KCNH6: variants seen among roughly 807,000 people sequenced by gnomAD.
The protein encoded by KCNH6 is potassium voltage-gated channel subfamily H member 6, also known as voltage-gated inwardly rectifying potassium channel KCNH6.
In KCNH6, 81 loss-of-function variants were observed where a neutral mutation model predicts 83.4. The observed-to-expected ratio is 0.97, with a 90% CI of 0.81 to 1.17. The LOEUF is 1.17. KCNH6 is among the 50% of genes most tolerant of loss of function. KCNH6 has a pLI of 0.00. For synonymous variants in KCNH6, 503 were observed against 545.6 expected (o/e 0.92, Z 1.09); for missense variants, 1,203 against 1,290.5 (o/e 0.93, Z 1.04).
Position 63,535,978 on chromosome 17 carries a change from T to A in KCNH6, c.1411T>A (p.Phe471Ile). 6.2e-7 allele frequency: 1 copy of A among 1,613,848 alleles called. No homozygotes were observed. Among genetic ancestry groups the A allele is most frequent in the Non-Finnish European group, 8.5e-7 (1 of 1,180,046 alleles). ...DKYVTALYFT[F>I]SSLTSVGFGN... is the part of the protein sequence containing the mutation. The stretch of plus-strand genomic sequence containing the variant: ...GTATGTCACAGCCCTCTACTTCACC[T>A]TCAGCAGCCTCACCAGCGTGGGCTT... Residue 471 changes from phenylalanine (F) to isoleucine (I), a missense_variant, in exon 6 of 13, where the codon TTC becomes ATC. Physicochemically the swap from Phe to Ile is conservative, Grantham distance 21 (BLOSUM62 0). Coordinates refer to ENST00000314672, the MANE Select transcript of KCNH6 (RefSeq NM_001278919.2). The surrounding 1 kb of genome is among the most constrained non-coding windows in gnomAD (Gnocchi z 4.9).
At chr17:63,532,038 C>T (rs1463123506) in intron 4 of KCNH6, among the ~76,000 whole-genome samples, 1 of 152,214 alleles carries the variant, frequency 6.6e-6, no homozygotes, top group African/African-American at 2.4e-5. Flanking sequence ...ATCCTGAGGG[C>T]CTTGCAGCTC....
chr17:63,537,582 G>T (rs775993240), intron 6 of KCNH6, among the ~76,000 whole-genome samples: 1 of 151,942 alleles, frequency 6.6e-6, no homozygotes, highest in African/African-American at 2.4e-5. Flanking sequence ...TTACAGACGG[G>T]CATCACCATG....
At chr17:63,540,826 C>T (rs942786182) in intron 8 of KCNH6, among the ~76,000 whole-genome samples, 1 of 152,202 alleles carries the variant, frequency 6.6e-6, no homozygotes, top group African/African-American at 2.4e-5. Flanking sequence ...TCCGTGGCAC[C>T]CCGGCCCTGG....
At chr17:63,536,259 C>T (rs1000744987) in intron 6 of KCNH6, 191 bp downstream of exon 6, 22 of 601,658 alleles carry the variant, frequency 3.7e-5, no homozygotes, top group African/African-American at 3.3e-4. Flanking sequence ...AACACCCACA[C>T]AGCCCATGCT....
At chr17:63,541,025 C>T (rs2032827576) in intron 8 of KCNH6, among the ~76,000 whole-genome samples, 1 of 152,222 alleles carries the variant, frequency 6.6e-6, no homozygotes, top group Non-Finnish European at 1.5e-5. Context: ...TCCATGGCCC[C>T]ATAACTCTTG....
Position 63,533,855 on chromosome 17 carries a change from G to T in KCNH6, c.676-31G>T, listed in dbSNP as rs760190656. Reference sequence around the variant, plus strand: ...CAGTCTCACCAGCAGTGGCTGCCCCGTGCCTGACCTCCCTCGGCCCCCACC... The same window carrying T: ...CAGTCTCACCAGCAGTGGCTGCCCCTTGCCTGACCTCCCTCGGCCCCCACC... On this transcript the variant is annotated intron_variant, in intron 4 of 12. Coordinates refer to ENST00000314672, the MANE Select transcript of KCNH6 (RefSeq NM_001278919.2). The surrounding 1 kb of genome is among the most constrained non-coding windows in gnomAD (Gnocchi z 4.1). 7.5e-6 allele frequency: 12 copies of T among 1,591,538 alleles called. No homozygotes were observed. The highest frequency in any genetic ancestry group is 1.7e-5 in the Admixed American group (1 of 59,300).
downstream of KCNH6, among the ~76,000 whole-genome samples, chr17:63,548,464 C>T (rs2033189623): frequency 6.6e-6 from 1 of 152,138 alleles, no homozygotes; most frequent in African/African-American, 2.4e-5. Context: ...CACTGCACCA[C>T]CACCTGGATA....
chr17:63,524,180 G>T lies in KCNH6; in HGVS notation c.118G>T (p.Ala40Ser). ...LIANAQMENCAIIYCNDGFCE... is the reference protein window; with the variant it reads ...LIANAQMENCSIIYCNDGFCE... ...TGCCAATGCTCAGATGGAGAACTGC[G>T]CCATCATTTACTGCAACGACGGCTT... The change falls in exon 2 of 13, where the codon GCC (alanine) becomes TCC (serine). Residue 40 changes from alanine (A) to serine (S), a missense_variant. Ala to Ser is a moderately conservative substitution (Grantham distance 99, BLOSUM62 1). Transcript: ENST00000314672. 1 of 1,614,138 alleles carries T rather than the reference G, an allele frequency of 6.2e-7. No homozygotes were observed. Among genetic ancestry groups the T allele is most frequent in the Non-Finnish European group, 8.5e-7 (1 of 1,180,028 alleles).
intron 4 of KCNH6, among the ~76,000 whole-genome samples, chr17:63,532,760 C>T (rs2032206603): frequency 6.6e-6 from 1 of 152,298 alleles, no homozygotes; most frequent in Admixed American, 6.5e-5. Context: ...CACCAGATCT[C>T]ATCTGGTGGG....
In KCNH6 at chr17:63,544,332, CA is replaced by C; in HGVS notation, c.2320del (p.Ser774AlafsTer11). The stretch of plus-strand genomic sequence containing the variant: ...GGAAATGCCCCCAAGGCACAGCCCC[CA>C]AAGCCCTCAGGAAGACCCAGATTGC... ...LQEMPPRHSP[Q>X]SPQEDPDCWP... On this transcript the variant is annotated frameshift_variant, in exon 11 of 13. Coordinates refer to ENST00000314672, the MANE Select transcript of KCNH6 (RefSeq NM_001278919.2). LOFTEE classifies it high-confidence loss of function. 6.2e-7 allele frequency: 1 copy of C among 1,612,406 alleles called. No individual in the cohort carries two copies. Among genetic ancestry groups the C allele is most frequent in the Non-Finnish European group, 8.5e-7 (1 of 1,179,284 alleles).
intron 8 of KCNH6, among the ~76,000 whole-genome samples, chr17:63,540,277 C>T (rs1485091839): frequency 5.9e-5 from 9 of 152,004 alleles, no homozygotes; most frequent in Admixed American, 4.6e-4. Context: ...ACTAGAAATA[C>T]AAAAAATTAG....
chr17:63,535,697 C>T lies in KCNH6; in HGVS notation c.1130C>T (p.Thr377Ile), dbSNP rs1214386851. 3 of 1,612,098 alleles carry T rather than the reference C, an allele frequency of 1.9e-6. No homozygotes were observed. Among genetic ancestry groups the T allele is most frequent in the Non-Finnish European group, 2.5e-6 (3 of 1,178,748 alleles). Residue 377 changes from threonine (T) to isoleucine (I), a missense_variant, in exon 6 of 13, where the codon ACA (threonine) becomes ATA (isoleucine). Coordinates refer to ENST00000314672, the MANE Select transcript of KCNH6 (RefSeq NM_001278919.2). The surrounding 1 kb of genome is among the most constrained non-coding windows in gnomAD (Gnocchi z 4.9). ...ETTTLIGLLK[T>I]ARLLRLVRVA... ...ACAACCCTGATTGGGCTATTGAAGACAGCGCGGCTGCTGCGGCTGGTGCGC... is the reference window on the plus strand; with the variant it reads ...ACAACCCTGATTGGGCTATTGAAGATAGCGCGGCTGCTGCGGCTGGTGCGC...
chr17:63,532,133 G>C (rs1339940517), intron 4 of KCNH6, among the ~76,000 whole-genome samples: 1 of 152,166 alleles, frequency 6.6e-6, no homozygotes, highest in Admixed American at 6.5e-5. Context: ...GGGTCCCCCT[G>C]TCTGGGGGCC....
At position 63,542,273 on chromosome 17, in the gene KCNH6, C is replaced by T; in HGVS notation, c.1987C>T (p.Leu663Phe). 1 of 1,614,104 alleles carries T rather than the reference C, an allele frequency of 6.2e-7. No individual in the cohort carries two copies. The highest frequency in any genetic ancestry group is 8.5e-7 in the Non-Finnish European group (1 of 1,180,008). The change falls in exon 9 of 13, where the codon CTC becomes TTC. Residue 663 changes from leucine (L) to phenylalanine (F), a missense_variant. By Grantham distance (22) the Leu-to-Phe change is conservative. Transcript: ENST00000314672. ...TGACATCTTTGGGGAACCCGTCAGC[C>T]TCCATGCCCAGCCAGGCAAGTCCAG... ...KNDIFGEPVS[L>F]HAQPGKSSAD...
rs767611776 is a variant in KCNH6 at position 63,538,574 on chromosome 17, G to GCA, written c.1868_1869dup (p.Leu624ThrfsTer29). ...ACGCGCCGCCTGGGGACACGCTGGT[G>GCA]CACCTCGGCGACGTGCTCTCCACCC... On this transcript the variant is annotated frameshift_variant, in exon 8 of 13. Transcript: ENST00000314672. LOFTEE classifies it high-confidence loss of function. The surrounding 1 kb of genome is among the most constrained non-coding windows in gnomAD (Gnocchi z 4.0). The GCA allele has an allele frequency of 6.2e-7, 1 of 1,612,974 alleles. No homozygotes were observed. Among genetic ancestry groups the GCA allele is most frequent in the East Asian group, 2.2e-5 (1 of 44,852 alleles).
Position 63,534,319 on chromosome 17 carries a change from G to T in KCNH6, c.1101+8G>T. On this transcript the variant is annotated splice_region_variant and intron_variant, in intron 5 of 12. Coordinates refer to ENST00000314672, the MANE Select transcript of KCNH6 (RefSeq NM_001278919.2). This position sits in a 1 kb window ranked among gnomAD's most constrained non-coding sequence, Gnocchi z 5.0. Reference sequence around the variant, plus strand: ...CGCACTGGCTCCGATGAGGTGAGCAGACCCCCTCCAGGCCAGCAGCCATGG... The same window carrying T: ...CGCACTGGCTCCGATGAGGTGAGCATACCCCCTCCAGGCCAGCAGCCATGG... The T allele has an allele frequency of 6.2e-7, 1 of 1,602,760 alleles. No individual in the cohort carries two copies. Among genetic ancestry groups the T allele is most frequent in the Non-Finnish European group, 8.5e-7 (1 of 1,173,732 alleles).
rs1199023054 is a variant in KCNH6 at position 63,546,148 on chromosome 17, G to A, written c.*246G>A. ...CCAGCTACTGGGGAGGCTGAGGCAG[G>A]AGAATGGCATGAACCCGGGAGGTGG... On this transcript the variant is annotated 3_prime_UTR_variant, in exon 13 of 13. Transcript: ENST00000314672. 2 of 414,702 alleles carry A rather than the reference G, an allele frequency of 4.8e-6. No individual in the cohort carries two copies. The highest frequency in any genetic ancestry group is 4.0e-5 in the African/African-American group (2 of 50,030). The allele number at this position is 414,702 out of a possible 1,614,324, so 25.7% of individuals were successfully genotyped here.
chr17:63,530,609 G>A (rs2147650232), intron 4 of KCNH6, 67 bp downstream of exon 4: 1 of 1,451,260 alleles, frequency 6.9e-7, no homozygotes, highest in Non-Finnish European at 9.6e-7. Context: ...CCAGGCTCTG[G>A]GCCCAGGCCC....
chr17:63,533,966 C>T lies in KCNH6; in HGVS notation c.756C>T (p.Tyr252=). Residue 252 remains tyrosine, a synonymous_variant, in exon 5 of 13, where the codon TAC becomes TAT. Transcript: ENST00000314672. This position sits in a 1 kb window ranked among gnomAD's most constrained non-coding sequence, Gnocchi z 4.1. ...PRIHRWTILH[Y]SPFKAVWDWL... ...TCCACCGCTGGACCATCCTGCACTA[C>T]AGCCCCTTCAAGGCCGTGTGGGACT... is the stretch of plus-strand genomic sequence containing the variant. 18 of 1,614,162 alleles carry T rather than the reference C, an allele frequency of 1.1e-5. No individual in the cohort carries two copies. Among genetic ancestry groups the T allele is most frequent in the Non-Finnish European group, 1.5e-5 (18 of 1,180,016 alleles).
Sources: allele counts gnomAD v4.1 joint callset (sites outside exome capture counted in the v4.1 genomes callset), GRCh38; gene constraint gnomAD v4.1.1; non-coding constraint Gnocchi (gnomAD v3.1); transcripts MANE v1.5; gene names NCBI Gene and HGNC (gene_info 2026-07-23, HGNC 2026-07-21).